Variants in DTNBP1 observed in about 807,000 individuals in gnomAD.
DTNBP1 encodes dysbindin.
Under a neutral mutation model 42.8 loss-of-function variants are expected in DTNBP1, and 35 were observed. The observed-to-expected ratio is 0.82, with a 90% CI of 0.63 to 1.09. The LOEUF is 1.09. Among genes scored for constraint, DTNBP1 ranks in the 50% least tolerant of loss-of-function variants. The pLI is 0.00. For synonymous variants in DTNBP1, 171 were observed against 162.2 expected (o/e 1.05, Z -0.41); for missense variants, 457 against 424.2 (o/e 1.08, Z -0.68).
intron 4 of DTNBP1, among the ~76,000 whole-genome samples, chr6:15,629,189 T>C (rs1759541062): frequency 6.6e-6 from 1 of 152,212 alleles, no homozygotes; most frequent in South Asian, 2.1e-4. Flanking sequence ...AAACTTCCAC[T>C]GACCACCCAC....
chr6:15,660,448 T>C, intron 1 of DTNBP1: 1 of 1,289,780 alleles, frequency 7.8e-7, no homozygotes. Context: ...CACTTGGAGA[T>C]GAGTTGTTTC....
chr6:15,537,386 G>A (rs898682990), intron 7 of DTNBP1, among the ~76,000 whole-genome samples: 4 of 151,538 alleles, frequency 2.6e-5, no homozygotes, highest in African/African-American at 7.3e-5. Context: ...CCAAGATCAC[G>A]CTACTGCACT....
chr6:15,523,340 C>A, intron 9 of DTNBP1, 121 bp from the exon 10 acceptor site: 1 of 1,411,726 alleles, frequency 7.1e-7, no homozygotes, highest in South Asian at 1.2e-5. Flanking sequence ...TTCCAGGCAC[C>A]TGGGGCCTGC....
chr6:15,655,224 C>T lies in DTNBP1; in HGVS notation c.57-3084G>A, dbSNP rs149278410. Among the ~76,000 whole-genome samples, 386 of 152,164 alleles carry T rather than the reference C, an allele frequency of 2.5e-3. 1 individual carries two copies. The highest frequency in any genetic ancestry group is 3.4e-3 in the Middle Eastern group (1 of 294). ...GCAGCCTCAAGCTCCTGGCCTTAAG[C>T]GATCCTCCCACCTTAGCCTCTCAAG... On this transcript the variant is annotated intron_variant, in intron 1 of 9. Transcript: ENST00000344537.
chr6:15,634,011 G>C (rs2619550), intron 4 of DTNBP1, among the ~76,000 whole-genome samples: 38,060 of 151,684 alleles, frequency 0.25, 5,476 homozygotes, highest in African/African-American at 0.4. Flanking sequence ...TGGCAATATT[G>C]GCTTTATTGC....
intron 5 of DTNBP1, among the ~76,000 whole-genome samples, chr6:15,616,461 G>A (rs56112820): frequency 0.094 from 14,228 of 152,166 alleles, 732 homozygotes; most frequent in Non-Finnish European, 0.11. Flanking sequence ...ATGAGGTGCC[G>A]AAGGAACTCA....
chr6:15,639,058 A>G (rs921867208), intron 3 of DTNBP1, among the ~76,000 whole-genome samples: 5 of 152,188 alleles, frequency 3.3e-5, no homozygotes, highest in African/African-American at 7.2e-5. Context: ...GAATTGTTCA[A>G]TGTTAAAGAA....
intron 7 of DTNBP1, among the ~76,000 whole-genome samples, chr6:15,533,972 G>C (rs75733655): frequency 6.6e-6 from 1 of 152,342 alleles, no homozygotes; most frequent in Non-Finnish European, 1.5e-5. Context: ...CCTTAAAAAG[G>C]AGGGATATTC....
chr6:15,542,890 G>A (rs191653113), intron 7 of DTNBP1, among the ~76,000 whole-genome samples: 1 of 152,132 alleles, frequency 6.6e-6, no homozygotes, highest in East Asian at 1.9e-4. Context: ...AGTGGAGACA[G>A]GGTTTCACCA....
chr6:15,560,303 CA>C (rs551642924), intron 7 of DTNBP1, among the ~76,000 whole-genome samples: 202 of 133,514 alleles, frequency 1.5e-3, no homozygotes, highest in Middle Eastern at 7.9e-3. Context: ...GAGACTGTCT[CA>C]AAAAAAAAAA....
At chr6:15,528,875 A>G (rs148956386) in intron 8 of DTNBP1, among the ~76,000 whole-genome samples, 161 of 152,362 alleles carry the variant, frequency 1.1e-3, no homozygotes, top group African/African-American at 3.7e-3. Flanking sequence ...TCACACCTGC[A>G]GTGGGCCCAG....
At chr6:15,585,668 C>T in intron 7 of DTNBP1, 1 of 1,524,072 alleles carries the variant, frequency 6.6e-7, no homozygotes, top group South Asian at 1.2e-5. Flanking sequence ...TGGAAATAAA[C>T]ATTTCAAAGG....
intron 5 of DTNBP1, among the ~76,000 whole-genome samples, chr6:15,617,302 A>T (rs1048352452): frequency 7.9e-5 from 12 of 152,178 alleles, no homozygotes; most frequent in African/African-American, 2.7e-4. Flanking sequence ...GCCAAAAGTG[A>T]TCTACAGATT....
chr6:15,662,688 CG>C, intron 1 of DTNBP1, 125 bp downstream of exon 1: 1 of 1,311,778 alleles, frequency 7.6e-7, no homozygotes. Flanking sequence ...CTCGGCGGGG[CG>C]GGGCGGGGAG....
rs1431429844 is a variant in DTNBP1, at chr6:15,524,527, T to C, written c.810A>G (p.Leu270=). The C allele has an allele frequency of 1.9e-6, 3 of 1,607,750 alleles. No homozygotes were observed. The highest frequency in any genetic ancestry group is 2.6e-6 in the Non-Finnish European group (3 of 1,175,726). The change falls in exon 9 of 10, where the codon TTA becomes TTG. Residue 270 remains leucine, a splice_region_variant and synonymous_variant. Transcript: ENST00000344537. ...GEENTVLSPA[L]GPESSTCQNE... ...CTAATGCAAGTTTGTCAACCCTACC[T>C]AAGGCGGGGGACAGCACAGTGTTCT...
chr6:15,543,343 A>G (rs1175389024), intron 7 of DTNBP1, among the ~76,000 whole-genome samples: 1 of 152,208 alleles, frequency 6.6e-6, no homozygotes, highest in Non-Finnish European at 1.5e-5. Flanking sequence ...AAAACCCAAC[A>G]ATTAACATGG....
chr6:15,636,493 G>A (rs1179369517), intron 4 of DTNBP1, among the ~76,000 whole-genome samples: 1 of 152,052 alleles, frequency 6.6e-6, no homozygotes, highest in Non-Finnish European at 1.5e-5. Context: ...GATCAGGCAG[G>A]AAATATAACT....
chr6:15,614,910 CT>C (rs1758630075), intron 6 of DTNBP1, among the ~76,000 whole-genome samples: 1 of 152,188 alleles, frequency 6.6e-6, no homozygotes, highest in African/African-American at 2.4e-5. Flanking sequence ...TGCTCCTTTC[CT>C]TCTGCTCTAG....
At chr6:15,589,670 T>C (rs183589436) in intron 7 of DTNBP1, among the ~76,000 whole-genome samples, 11 of 152,364 alleles carry the variant, frequency 7.2e-5, no homozygotes, top group African/African-American at 2.6e-4. Flanking sequence ...AATCCTTCCA[T>C]GTCAACTTTT....
Sources: allele counts gnomAD v4.1 joint callset (sites outside exome capture counted in the v4.1 genomes callset), GRCh38; gene constraint gnomAD v4.1.1; transcripts MANE v1.5; gene names NCBI Gene and HGNC (gene_info 2026-07-23, HGNC 2026-07-21).